The following GRM5 variants were observed in gnomAD, a reference collection of about 807,000 sequenced individuals.
The protein encoded by GRM5 is metabotropic glutamate receptor 5.
A neutral mutation model predicts 83.1 loss-of-function variants in GRM5; 19 were observed. The ratio of observed to expected loss-of-function variants is 0.23; its 90% CI spans 0.16 to 0.34. GRM5 has a LOEUF of 0.34. GRM5 is among the 10% of genes least tolerant of loss of function. The probability of loss-of-function intolerance (pLI) is 1.00; values close to 1 mark genes in which losing one functional copy is unlikely to be tolerated. For synonymous variants in GRM5, 675 were observed against 633.6 expected, an observed-to-expected ratio of 1.07 and a Z score of -0.98; for missense variants, 1,160 against 1,588.3, an observed-to-expected ratio of 0.73 and a Z score of 4.58.
In GRM5 at chr11:88,957,957, G is replaced by C. The variant is rs542291709; in HGVS notation, c.661+89255C>G. Among the ~76,000 whole-genome samples, 9 of 152,076 alleles carry C rather than the reference G, an allele frequency of 5.9e-5. No homozygotes were observed. The South Asian group carries it at 1.7e-3, about 28-fold the overall frequency. ...GTGTTTTATCCTATCTCAAATTGTA[G>C]AATCTTTTTAAGAACTATTTTTAAT... On this transcript the variant is annotated intron_variant, in intron 2 of 9. Transcript: ENST00000305447.
At chr11:88,551,799 G>A (rs1346014347) in intron 8 of GRM5, among the ~76,000 whole-genome samples, 2 of 152,098 alleles carry the variant, frequency 1.3e-5, no homozygotes, top group Non-Finnish European at 2.9e-5. Context: ...GTACACATGG[G>A]CACATGGTAC....
intron 2 of GRM5, among the ~76,000 whole-genome samples, chr11:88,884,036 G>A (rs1471498895): frequency 6.6e-6 from 1 of 152,150 alleles, no homozygotes; most frequent in East Asian, 1.9e-4. Flanking sequence ...GTCCCCACTA[G>A]GGCACTGCCT....
At position 88,833,642 on chromosome 11, in the gene GRM5, A is replaced by G. The variant is rs376326218; in HGVS notation, c.911+16264T>C. Among the ~76,000 whole-genome samples, 36 of 152,334 alleles carry G rather than the reference A, an allele frequency of 2.4e-4. 2 individuals are homozygous for G. The East Asian group carries it at 4.2e-3, about 18-fold the overall frequency. On this transcript the variant is annotated intron_variant, in intron 3 of 9. Coordinates refer to ENST00000305447, the MANE Select transcript of GRM5 (RefSeq NM_001143831.3). ...GTATGTATCTGAAGAAAAGGAAATC[A>G]GTAGGTCAAAGAGACATTTGCACCT...
At chr11:88,681,062 T>C (rs543759885) in intron 3 of GRM5, among the ~76,000 whole-genome samples, 1 of 152,204 alleles carries the variant, frequency 6.6e-6, no homozygotes, top group Non-Finnish European at 1.5e-5. Flanking sequence ...ACACCTCAGA[T>C]TTTTCCCTTC....
In GRM5 at chr11:88,996,523, T is replaced by A. The variant is rs146026258; in HGVS notation, c.661+50689A>T. Among the ~76,000 whole-genome samples the A allele has an allele frequency of 5.1e-3, 780 of 152,276 alleles. 14 individuals are homozygous for A. The highest frequency in any genetic ancestry group is 0.026 in the East Asian group (135 of 5,186). On this transcript the variant is annotated intron_variant, in intron 2 of 9. Transcript: ENST00000305447. ...CAACCAACAACAAATCTTCTAGTAATGTGAAGCAAAAGCTGATACAATTTA... is the reference window on the plus strand; with the variant it reads ...CAACCAACAACAAATCTTCTAGTAAAGTGAAGCAAAAGCTGATACAATTTA...
chr11:88,930,030 G>T (rs1049976494), intron 2 of GRM5, among the ~76,000 whole-genome samples: 10 of 152,058 alleles, frequency 6.6e-5, no homozygotes, highest in African/African-American at 2.4e-4. Flanking sequence ...CTCTCCAAAC[G>T]TTTTTTGGTG....
intron 4 of GRM5, among the ~76,000 whole-genome samples, chr11:88,635,354 A>G (rs1939088665): frequency 6.6e-6 from 1 of 152,256 alleles, no homozygotes; most frequent in East Asian, 1.9e-4. Context: ...TCTTTTTGAT[A>G]GTAGCCATTC....
intron 2 of GRM5, among the ~76,000 whole-genome samples, chr11:88,992,108 T>C (rs1383170093): frequency 1.3e-5 from 2 of 152,160 alleles, no homozygotes; most frequent in Non-Finnish European, 2.9e-5. Context: ...TTTTGCAACC[T>C]ACTCATCTGA....
rs144905923 is a variant in GRM5 at position 88,709,880 on chromosome 11, G to C, written c.912-56477C>G. 6.8e-3 allele frequency among the ~76,000 whole-genome samples: 1,031 copies of C among 152,262 alleles called. 6 individuals carry two copies. The highest frequency in any genetic ancestry group is 0.011 in the Non-Finnish European group (776 of 67,998). On this transcript the variant is annotated intron_variant, in intron 3 of 9. Transcript: ENST00000305447. ...AATCTGTTCTCAATAGGAAACAACT[G>C]TGCCACTGGAGTTGGCAGGAGGAAG...
intron 3 of GRM5, among the ~76,000 whole-genome samples, chr11:88,728,492 G>A (rs1012404265): frequency 1.3e-5 from 2 of 152,044 alleles, no homozygotes; most frequent in African/African-American, 2.4e-5. Flanking sequence ...CCAAACAATA[G>A]AAAAAGAGGG....
intron 3 of GRM5, among the ~76,000 whole-genome samples, chr11:88,740,976 T>C (rs560675266): frequency 9.2e-5 from 14 of 152,190 alleles, no homozygotes; most frequent in African/African-American, 3.4e-4. Flanking sequence ...GGTGGTATCT[T>C]CCTGCTATGT....
At chr11:88,596,667 A>T (rs1937814667) in intron 6 of GRM5, among the ~76,000 whole-genome samples, 1 of 152,052 alleles carries the variant, frequency 6.6e-6, no homozygotes, top group African/African-American at 2.4e-5. Flanking sequence ...TTTATTCAGT[A>T]GAAATATCTC....
intron 2 of GRM5, among the ~76,000 whole-genome samples, chr11:88,935,157 C>T (rs1211191875): frequency 4.6e-5 from 7 of 151,940 alleles, no homozygotes; most frequent in Non-Finnish European, 8.8e-5. Flanking sequence ...ACTTCACTAA[C>T]AACAAAGCTG....
chr11:88,812,616 A>G (rs1022453609), intron 3 of GRM5, among the ~76,000 whole-genome samples: 9 of 152,242 alleles, frequency 5.9e-5, no homozygotes, highest in Admixed American at 4.6e-4. Flanking sequence ...ATATTTTTCA[A>G]TCAACAAACT....
At position 88,507,642 on chromosome 11, in the gene GRM5, A is replaced by G. The variant is rs534742970; in HGVS notation, c.*950T>C. The G allele has an allele frequency of 2.0e-5, 3 of 152,368 alleles. No homozygotes were observed. Among genetic ancestry groups the G allele is most frequent in the East Asian group, 3.9e-4 (2 of 5,192 alleles). The allele number at this position is 152,368 out of a possible 1,614,324, so 9.4% of individuals were successfully genotyped here. On this transcript the variant is annotated 3_prime_UTR_variant, in exon 10 of 10. Transcript: ENST00000305447. Reference sequence around the variant, plus strand: ...GCATATTTTAATATTTTAGTTGGCAATGCAAACGCAACAGCATTCCTAAAG... The same window carrying G: ...GCATATTTTAATATTTTAGTTGGCAGTGCAAACGCAACAGCATTCCTAAAG...
At chr11:88,800,029 T>C (rs926637181) in intron 3 of GRM5, among the ~76,000 whole-genome samples, 2 of 151,804 alleles carry the variant, frequency 1.3e-5, no homozygotes, top group Non-Finnish European at 2.9e-5. Flanking sequence ...GAAAGAAAAA[T>C]CTAAGAAGCA....
At chr11:88,520,208 G>C (rs1941643467) in intron 9 of GRM5, among the ~76,000 whole-genome samples, 1 of 152,118 alleles carries the variant, frequency 6.6e-6, no homozygotes, top group African/African-American at 2.4e-5. Flanking sequence ...GGTAATCATA[G>C]CAATGTTACT....
Position 88,597,326 on chromosome 11 carries a change from A to C in GRM5, c.1421T>G (p.Met474Arg). Residue 474 changes from methionine (M) to arginine (R), a missense_variant, in exon 6 of 10, where the codon ATG becomes AGG. Transcript: ENST00000305447. Reference protein sequence around the residue: ...GRYEIMNFKEMGKDYFDYINV... With the variant: ...GRYEIMNFKERGKDYFDYINV... ...GATATAATCAAAGTAATCTTTTCCC[A>C]TTTCCTTGAAATTCATTATTTCATA... 6.5e-7 allele frequency: 1 copy of C among 1,541,162 alleles called. No individual in the cohort carries two copies. Among genetic ancestry groups the C allele is most frequent in the Non-Finnish European group, 8.9e-7 (1 of 1,118,312 alleles).
intron 8 of GRM5, among the ~76,000 whole-genome samples, chr11:88,564,957 T>C (rs913481769): frequency 1.3e-5 from 2 of 152,130 alleles, no homozygotes; most frequent in Non-Finnish European, 2.9e-5. Flanking sequence ...GATTGTGTAT[T>C]GGGTACAGTA....
Sources: allele counts gnomAD v4.1 joint callset (sites outside exome capture counted in the v4.1 genomes callset), GRCh38; gene constraint gnomAD v4.1.1; transcripts MANE v1.5; gene names NCBI Gene and HGNC (gene_info 2026-07-23, HGNC 2026-07-21).